The following TOX2 variants were observed in gnomAD, a reference collection of about 807,000 sequenced individuals.
TOX2 encodes the protein TOX high mobility group box family member 2.
A neutral mutation model predicts 47.4 loss-of-function variants in TOX2; 15 were observed. The observed-to-expected ratio is 0.32, with a 90% CI of 0.21 to 0.49. The LOEUF is 0.49. Among genes scored for constraint, TOX2 ranks in the 20% least tolerant of loss-of-function variants. The pLI, the probability that TOX2 is intolerant of heterozygous loss-of-function variation, is 0.99. For missense variants in TOX2, 622 were observed against 673.1 expected, an observed-to-expected ratio of 0.92 and a Z score of 0.84; for synonymous variants, 290 against 296.6, an observed-to-expected ratio of 0.98 and a Z score of 0.23.
intron 1 of TOX2, among the ~76,000 whole-genome samples, chr20:43,920,199 TAAA>T (rs2069098586): frequency 6.6e-6 from 1 of 152,182 alleles, no homozygotes; most frequent in South Asian, 2.1e-4. Flanking sequence ...AATTGCTCAG[TAAA>T]TATGTGCTGG....
intron 1 of TOX2, among the ~76,000 whole-genome samples, chr20:43,923,051 G>A (rs546886280): frequency 2.6e-5 from 4 of 151,394 alleles, no homozygotes; most frequent in African/African-American, 9.8e-5. Context: ...TGCCAGGTGG[G>A]CTGCCTGGGG....
At chr20:43,992,526 T>C (rs1450036608) in intron 2 of TOX2, among the ~76,000 whole-genome samples, 1 of 152,102 alleles carries the variant, frequency 6.6e-6, no homozygotes, top group Non-Finnish European at 1.5e-5. Context: ...GGGAAACTCA[T>C]GTGGCGTAAG....
At chr20:44,025,254 C>G (rs1182989647) in intron 3 of TOX2, among the ~76,000 whole-genome samples, 1 of 152,082 alleles carries the variant, frequency 6.6e-6, no homozygotes, top group Non-Finnish European at 1.5e-5. Flanking sequence ...CGTCGAGCCT[C>G]TGCCTGCCCC....
intron 1 of TOX2, among the ~76,000 whole-genome samples, chr20:43,919,224 T>C (rs986986555): frequency 1.1e-4 from 17 of 152,254 alleles, no homozygotes; most frequent in African/African-American, 4.1e-4. Context: ...TGCTAGGCAC[T>C]GTGCACAGCA....
At chr20:44,032,197 C>A in intron 3 of TOX2, among the ~76,000 whole-genome samples, 1 of 152,000 alleles carries the variant, frequency 6.6e-6, no homozygotes, top group East Asian at 1.9e-4. Flanking sequence ...GGGTGAGTAT[C>A]CCCTGCTGGG....
chr20:43,935,658 G>A (rs894580818), intron 1 of TOX2, among the ~76,000 whole-genome samples: 24 of 152,230 alleles, frequency 1.6e-4, no homozygotes, highest in African/African-American at 5.8e-4. Flanking sequence ...GGGTGGGGTG[G>A]CTCATGCTTG....
At chr20:44,058,933 C>T (rs1046766222) in intron 5 of TOX2, among the ~76,000 whole-genome samples, 2 of 152,060 alleles carry the variant, frequency 1.3e-5, no homozygotes, top group Non-Finnish European at 2.9e-5. Flanking sequence ...TGGGAAGGAA[C>T]CAGAAAAATA....
Position 44,016,692 on chromosome 20 carries a change from G to A in TOX2, c.411+9900G>A, listed in dbSNP as rs560527089. On this transcript the variant is annotated intron_variant, in intron 3 of 8. Coordinates refer to ENST00000341197, the MANE Select transcript of TOX2 (RefSeq NM_001098797.2). ...AAATCACCCCTGGTTGAGAGCCTCCGCCTGCTGTTCGCTCTGCTGAGAAGG... is the reference window on the plus strand; with the variant it reads ...AAATCACCCCTGGTTGAGAGCCTCCACCTGCTGTTCGCTCTGCTGAGAAGG... Among the ~76,000 whole-genome samples, 48 of 152,212 alleles carry A rather than the reference G, an allele frequency of 3.2e-4. No homozygotes were observed. In the South Asian group the frequency reaches 3.3e-3, roughly 11 times the overall value.
Position 44,051,356 on chromosome 20 carries a change from C to T in TOX2, c.462C>T (p.Pro154=), listed in dbSNP as rs774725766. ...SEVAAYDSGR[P]GPLLGRPAML... ...TGGCTGCCTATGACTCGGGCCGGCC[C>T]GGGCCCCTGCTGGGTCGCCCGGCAA... is the stretch of plus-strand genomic sequence containing the variant. Residue 154 remains proline, a synonymous_variant, in exon 4 of 9, where the codon CCC becomes CCT. Coordinates refer to ENST00000341197, the MANE Select transcript of TOX2 (RefSeq NM_001098797.2). 21 of 1,613,546 alleles carry T rather than the reference C, an allele frequency of 1.3e-5. No homozygotes were observed. Among genetic ancestry groups the T allele is most frequent in the African/African-American group, 8.0e-5 (6 of 74,944 alleles).
chr20:43,979,276 G>A (rs928757436), intron 2 of TOX2, among the ~76,000 whole-genome samples: 1 of 152,202 alleles, frequency 6.6e-6, no homozygotes, highest in Non-Finnish European at 1.5e-5. Flanking sequence ...GGAGATTTAT[G>A]GAGAGAGGGA....
At chr20:43,946,598 C>T (rs893388646) in intron 1 of TOX2, among the ~76,000 whole-genome samples, 45 of 152,126 alleles carry the variant, frequency 3.0e-4, no homozygotes, top group African/African-American at 8.7e-4. Context: ...CCACCTTTTC[C>T]GTTTGTGAAG....
chr20:44,058,187 C>A (rs1245303650), intron 5 of TOX2, among the ~76,000 whole-genome samples: 1 of 151,846 alleles, frequency 6.6e-6, no homozygotes, highest in Non-Finnish European at 1.5e-5. Context: ...AGTTGGCGTG[C>A]TTTCTCAGCT....
chr20:43,977,362 C>T (rs1157295890), intron 2 of TOX2, among the ~76,000 whole-genome samples: 2 of 152,220 alleles, frequency 1.3e-5, no homozygotes, highest in Non-Finnish European at 2.9e-5. Flanking sequence ...CCGCCCACCT[C>T]GGCCTCCCAA....
At chr20:44,008,479 G>A (rs1383329883) in intron 3 of TOX2, among the ~76,000 whole-genome samples, 1 of 152,098 alleles carries the variant, frequency 6.6e-6, no homozygotes, top group Non-Finnish European at 1.5e-5. Context: ...AGAATTGCTT[G>A]AACCTGGGAG....
At chr20:43,937,481 G>A (rs2069341527) in intron 1 of TOX2, among the ~76,000 whole-genome samples, 1 of 152,136 alleles carries the variant, frequency 6.6e-6, no homozygotes, top group Admixed American at 6.5e-5. Flanking sequence ...GAGGAAGCAA[G>A]GAAGGGGTCA....
At position 44,065,891 on chromosome 20, in the gene TOX2, GTC is replaced by G. The variant is rs754842873; in HGVS notation, c.1144_1145del (p.Leu382AlafsTer40). 1 of 1,612,438 alleles carries G rather than the reference GTC, an allele frequency of 6.2e-7. No individual in the cohort carries two copies. Among genetic ancestry groups the G allele is most frequent in the Non-Finnish European group, 8.5e-7 (1 of 1,178,960 alleles). ...GCCTCGCCCGGACGCTGGGCTCCAA[GTC>G]TCTGCTGCCAGGCCTCAGTGCGTCC... is the stretch of plus-strand genomic sequence containing the variant. The part of the protein sequence containing the change: ...ASLARTLGSK[S>X]LLPGLSASPP... On this transcript the variant is annotated frameshift_variant, in exon 7 of 9. Transcript: ENST00000341197. LOFTEE classifies it high-confidence loss of function.
At chr20:44,020,942 C>T (rs529353935) in intron 3 of TOX2, among the ~76,000 whole-genome samples, 1 of 152,262 alleles carries the variant, frequency 6.6e-6, no homozygotes, top group Admixed American at 6.5e-5. Context: ...TGGTTCTTTC[C>T]TACCCTGTGC....
intron 3 of TOX2, among the ~76,000 whole-genome samples, chr20:44,045,301 T>TA (rs138924020): frequency 1.3e-5 from 2 of 152,164 alleles, no homozygotes; most frequent in Non-Finnish European, 2.9e-5. Flanking sequence ...TTTTAATGAT[T>TA]AAAAAAATCA....
intron 2 of TOX2, among the ~76,000 whole-genome samples, chr20:44,005,582 A>G (rs189531012): frequency 6.6e-6 from 1 of 152,384 alleles, no homozygotes. Context: ...ATAATATGTC[A>G]TGACCAAATA....
Sources: allele counts gnomAD v4.1 joint callset (sites outside exome capture counted in the v4.1 genomes callset), GRCh38; gene constraint gnomAD v4.1.1; transcripts MANE v1.5; gene names NCBI Gene and HGNC (gene_info 2026-07-23, HGNC 2026-07-21).